CNBD1: variants seen among roughly 807,000 people sequenced by gnomAD.
CNBD1 encodes cyclic nucleotide-binding domain-containing protein 1.
A neutral mutation model predicts 54.4 loss-of-function variants in CNBD1; 71 were observed. The observed-to-expected ratio is 1.30, with a 90% CI of 1.08 to 1.59. The LOEUF (loss-of-function observed/expected upper bound fraction) is 1.59. CNBD1 is among the 40% of genes most tolerant of loss of function. The pLI is 0.00. For synonymous variants in CNBD1, 182 were observed against 170.7 expected (o/e 1.07, Z -0.51); for missense variants, 659 against 518.0 (o/e 1.27, Z -2.64).
chr8:86,993,102 G>A (rs1179745955), intron 4 of CNBD1, among the ~76,000 whole-genome samples: 1 of 152,074 alleles, frequency 6.6e-6, no homozygotes, highest in Non-Finnish European at 1.5e-5. Flanking sequence ...TGTGTTGTAG[G>A]TTTGGTCTCT....
intron 3 of CNBD1, among the ~76,000 whole-genome samples, chr8:86,933,198 T>C (rs1387469165): frequency 1.3e-5 from 2 of 152,134 alleles, no homozygotes; most frequent in African/African-American, 4.8e-5. Context: ...ATATCCTAGC[T>C]TCGGGAATAA....
At chr8:87,381,490 A>G (rs1563579331) in intron 10 of CNBD1, among the ~76,000 whole-genome samples, 2 of 152,060 alleles carry the variant, frequency 1.3e-5, no homozygotes, top group Non-Finnish European at 2.9e-5. Context: ...AACAATTAAC[A>G]GTAGACCATA....
At chr8:86,988,878 C>T (rs576404593) in intron 4 of CNBD1, among the ~76,000 whole-genome samples, 31 of 152,212 alleles carry the variant, frequency 2.0e-4, no homozygotes, top group Non-Finnish European at 4.0e-4. Flanking sequence ...CTGAATAGTA[C>T]TCCATTGTGT....
intron 8 of CNBD1, among the ~76,000 whole-genome samples, chr8:87,314,625 ATAT>A (rs1300182226): frequency 6.6e-6 from 1 of 152,092 alleles, no homozygotes; most frequent in Non-Finnish European, 1.5e-5. Context: ...TTTTCTCATG[ATAT>A]TATCAGATTT....
At chr8:87,070,320 G>C (rs1810734479) in intron 4 of CNBD1, among the ~76,000 whole-genome samples, 1 of 151,932 alleles carries the variant, frequency 6.6e-6, no homozygotes, top group Non-Finnish European at 1.5e-5. Context: ...TCTTATTTTT[G>C]TGTGGGATGG....
At chr8:87,256,878 G>A (rs1213733037) in intron 6 of CNBD1, among the ~76,000 whole-genome samples, 4 of 151,786 alleles carry the variant, frequency 2.6e-5, no homozygotes, top group African/African-American at 9.7e-5. Flanking sequence ...GCTGTAGTGT[G>A]AATGGCAAGG....
At chr8:87,368,680 G>A (rs996810419) in intron 10 of CNBD1, among the ~76,000 whole-genome samples, 2 of 151,890 alleles carry the variant, frequency 1.3e-5, no homozygotes, top group African/African-American at 4.8e-5. Context: ...GAGAGAGAAA[G>A]AGAAAGATAG....
In CNBD1 at chr8:86,894,275, A is replaced by G. The variant is rs1037725338; in HGVS notation, c.158+6664A>G. On this transcript the variant is annotated intron_variant, in intron 2 of 10. Transcript: ENST00000518476. ...ACGGGGTTTCACCTTGTTAGCCAGG[A>G]TGGTCTCGATCTCCTGACCTCATGA... 1.2e-4 allele frequency among the ~76,000 whole-genome samples: 18 copies of G among 150,940 alleles called. 1 individual carries two copies. Among genetic ancestry groups the G allele is most frequent in the African/African-American group, 4.4e-4 (18 of 41,282 alleles).
intron 8 of CNBD1, among the ~76,000 whole-genome samples, chr8:87,351,079 G>T (rs1810280813): frequency 6.6e-6 from 1 of 152,120 alleles, no homozygotes; most frequent in Non-Finnish European, 1.5e-5. Flanking sequence ...AAGGCTTAAA[G>T]TAAGGACTCC....
intron 4 of CNBD1, among the ~76,000 whole-genome samples, chr8:87,192,381 A>C (rs917105360): frequency 2.0e-5 from 3 of 152,206 alleles, no homozygotes. Context: ...GCCCTAACTC[A>C]ATTAGCCCCA....
rs111766016 is a variant in CNBD1 at position 86,891,281 on chromosome 8, G to T, written c.158+3670G>T. On this transcript the variant is annotated intron_variant, in intron 2 of 10. Coordinates refer to ENST00000518476, the MANE Select transcript of CNBD1 (RefSeq NM_173538.3). ...ATTTTTGTATATGGTGAGAGATAAG[G>T]GTCTAATTTCATTCTTCTGCTGTGG... is the stretch of plus-strand genomic sequence containing the variant. Among the ~76,000 whole-genome samples the T allele has an allele frequency of 5.4e-3, 827 of 151,942 alleles. 8 individuals carry two copies. Among genetic ancestry groups the T allele is most frequent in the African/African-American group, 0.019 (790 of 41,446 alleles).
At chr8:87,057,555 A>G (rs1810446923) in intron 4 of CNBD1, among the ~76,000 whole-genome samples, 1 of 152,160 alleles carries the variant, frequency 6.6e-6, no homozygotes, top group Non-Finnish European at 1.5e-5. Flanking sequence ...TCACATTTCA[A>G]AACACAATCA....
In CNBD1 at chr8:86,901,693, T is replaced by G. The variant is rs571950525; in HGVS notation, c.159-3388T>G. ...CCAAACATTTGCTCTTCAGTCTTTA[T>G]TGTGTGGCTTCCAGGGCCACCTTGG... On this transcript the variant is annotated intron_variant, in intron 2 of 10. Coordinates refer to ENST00000518476, the MANE Select transcript of CNBD1 (RefSeq NM_173538.3). Among the ~76,000 whole-genome samples, 3 of 152,296 alleles carry G rather than the reference T, an allele frequency of 2.0e-5. No individual in the cohort carries two copies. The South Asian group carries it at 6.2e-4, about 32-fold the overall frequency.
At position 87,286,765 on chromosome 8, in the gene CNBD1, C is replaced by A. The variant is rs113082189; in HGVS notation, c.1042+94C>A. 26 of 831,220 alleles carry A rather than the reference C, an allele frequency of 3.1e-5. 2 individuals carry two copies. In the African/African-American group the frequency reaches 3.5e-4, roughly 11 times the overall value. 51.5% of individuals were successfully genotyped at this position (831,220 alleles called of 1,614,324 possible). ...AGTTGTAATATTTTATACAATATTT[C>A]TTCATATAAATATTCTCTAATTTAT... On this transcript the variant is annotated intron_variant, in intron 8 of 10. Coordinates refer to ENST00000518476, the MANE Select transcript of CNBD1 (RefSeq NM_173538.3).
chr8:87,330,826 A>T (rs548483280), intron 8 of CNBD1, among the ~76,000 whole-genome samples: 2 of 152,280 alleles, frequency 1.3e-5, no homozygotes, highest in South Asian at 4.1e-4. Flanking sequence ...GAGTTAAAAT[A>T]TGAATTAGAA....
chr8:86,987,274 T>C (rs1808629868), intron 4 of CNBD1, among the ~76,000 whole-genome samples: 1 of 152,290 alleles, frequency 6.6e-6, no homozygotes, highest in East Asian at 1.9e-4. Flanking sequence ...GTGGTAACTA[T>C]AAATGAGGTT....
At chr8:87,401,437 G>C (rs1166058758) in intron 2 of CNBD1, among the ~76,000 whole-genome samples, 1 of 152,008 alleles carries the variant, frequency 6.6e-6, no homozygotes, top group African/African-American at 2.4e-5. Context: ...CTGCTCTATT[G>C]GGTGACCAAG....
intron 5 of CNBD1, among the ~76,000 whole-genome samples, chr8:87,235,611 G>A (rs767592888): frequency 4.6e-5 from 7 of 151,970 alleles, no homozygotes; most frequent in African/African-American, 1.4e-4. Context: ...CATAGTTTGC[G>A]GTGCCCAAAA....
chr8:86,961,398 C>G (rs1286860902), intron 4 of CNBD1, among the ~76,000 whole-genome samples: 1 of 152,200 alleles, frequency 6.6e-6, no homozygotes, highest in Non-Finnish European at 1.5e-5. Flanking sequence ...AAAACAGGCC[C>G]CCTGCTTAGA....
Sources: allele counts gnomAD v4.1 joint callset (sites outside exome capture counted in the v4.1 genomes callset), GRCh38; gene constraint gnomAD v4.1.1; transcripts MANE v1.5; gene names NCBI Gene and HGNC (gene_info 2026-07-23, HGNC 2026-07-21).